The following SDSL variants were observed in gnomAD, a reference collection of about 807,000 sequenced individuals.
SDSL encodes the protein serine dehydratase-like.
A neutral mutation model predicts 27.6 loss-of-function variants in SDSL; 26 were observed. The observed-to-expected ratio is 0.94, with a 90% CI of 0.69 to 1.31. SDSL has a LOEUF of 1.31. Ranked by LOEUF, SDSL falls within the 50% of genes most tolerant of loss-of-function variation. SDSL has a pLI of 0.00. For synonymous variants in SDSL, 196 were observed against 180.6 expected (o/e 1.09, Z -0.69); for missense variants, 431 against 423.5 (o/e 1.02, Z -0.16).
At chr12:113,428,179 G>C (rs371591042) in intron 2 of SDSL, 23 bp downstream of exon 2, 83 of 1,588,380 alleles carry the variant, frequency 5.2e-5, no homozygotes, top group Non-Finnish European at 6.3e-5. Flanking sequence ...GGGAAGGAGG[G>C]GAGAAGTGAG....
chr12:113,436,581 G>T (rs554751046), intron 6 of SDSL, among the ~76,000 whole-genome samples, 170 bp from the exon 7 acceptor site: 31 of 152,258 alleles, frequency 2.0e-4, no homozygotes, highest in African/African-American at 5.3e-4. Context: ...GAGCCACTGC[G>T]CCCGGCAAGG....
rs113073504 is a variant in SDSL, at chr12:113,428,234, G to A, written c.174+78G>A. ...AGAGTGAGGGGTGTGGGCTGGGGAC[G>A]GGTTCGGGCAGGAGGGGAAACATGA... On this transcript the variant is annotated intron_variant, in intron 2 of 7. Coordinates refer to ENST00000403593, the MANE Select transcript of SDSL (RefSeq NM_001304993.2). 5,080 of 1,446,930 alleles carry A rather than the reference G, an allele frequency of 3.5e-3. 137 individuals are homozygous for A. In the African/African-American group the frequency reaches 0.062, roughly 18 times the overall value. The allele number at this position is 1,446,930 out of a possible 1,614,324, so 89.6% of individuals were successfully genotyped here.
intron 6 of SDSL, 24 bp from the exon 7 acceptor site, chr12:113,436,727 G>A: frequency 6.4e-7 from 1 of 1,567,380 alleles, no homozygotes; most frequent in Non-Finnish European, 8.6e-7. Flanking sequence ...TGGTCTCCCT[G>A]CCCCACCCTG....
At chr12:113,437,350 GGTA>G (rs1294674087) in intron 7 of SDSL, among the ~76,000 whole-genome samples, 1 of 152,222 alleles carries the variant, frequency 6.6e-6, no homozygotes, top group Non-Finnish European at 1.5e-5. Flanking sequence ...GGGCATGGCA[GGTA>G]GTAGGCACTC....
chr12:113,425,899 G>A (rs1040631158), intron 1 of SDSL: 1 of 375,548 alleles, frequency 2.7e-6, no homozygotes, highest in African/African-American at 2.1e-5. Context: ...TGAGGCAGGA[G>A]AATCGCTTGA....
At chr12:113,432,509 T>A (rs1957947823) in intron 4 of SDSL, among the ~76,000 whole-genome samples, 1 of 151,412 alleles carries the variant, frequency 6.6e-6, no homozygotes, top group African/African-American at 2.4e-5. Context: ...ACCCGGCTAT[T>A]TTTTTGTATT....
rs533725585 is a variant in SDSL at position 113,428,441 on chromosome 12, C to T, written c.196C>T (p.His66Tyr). ...CCAGATGGCCAAGAAGGGATGCAGA[C>T]ACCTGGTGTGCTCCTCAGGTGACCC... ...CQEMAKKGCR[H>Y]LVCSSGGNAG... The change falls in exon 3 of 8, where the codon CAC becomes TAC. Residue 66 changes from histidine to tyrosine, a missense_variant. Physicochemically the swap from His to Tyr is moderately conservative, Grantham distance 83. Transcript: ENST00000403593. 23 of 1,612,512 alleles carry T rather than the reference C, an allele frequency of 1.4e-5. No homozygotes were observed. The South Asian group carries it at 2.4e-4, about 17-fold the overall frequency.
At chr12:113,426,183 G>T in intron 1 of SDSL, 3 of 454,972 alleles carry the variant, frequency 6.6e-6, no homozygotes, top group South Asian at 4.7e-5. Context: ...CTGCATCCGC[G>T]GCACCCCAAA....
At chr12:113,437,465 A>T (rs751602848) in intron 7 of SDSL, among the ~76,000 whole-genome samples, 61 of 152,308 alleles carry the variant, frequency 4.0e-4, no homozygotes, top group Middle Eastern at 3.4e-3. Context: ...TGGATAATGA[A>T]GTGACGGATT....
chr12:113,428,117 C>T lies in SDSL; in HGVS notation c.135C>T (p.Gly45=), dbSNP rs1957872777. 6.2e-7 allele frequency: 1 copy of T among 1,613,344 alleles called. No homozygotes were observed. Residue 45 remains glycine, a synonymous_variant, in exon 2 of 8, where the codon GGC becomes GGT. Coordinates refer to ENST00000403593, the MANE Select transcript of SDSL (RefSeq NM_001304993.2). ...FLKCENVQPS[G]SFKIRGIGHF... ...AGTGTGAGAATGTGCAGCCCAGCGG[C>T]TCCTTCAAGATTCGGGGCATTGGGC...
chr12:113,432,662 C>T (rs1957949951), intron 4 of SDSL, among the ~76,000 whole-genome samples: 1 of 151,878 alleles, frequency 6.6e-6, no homozygotes, highest in Non-Finnish European at 1.5e-5. Flanking sequence ...TCAACCTCTG[C>T]CACTCTCTCT....
chr12:113,432,754 G>T (rs1411733612), intron 4 of SDSL, among the ~76,000 whole-genome samples: 1 of 152,194 alleles, frequency 6.6e-6, no homozygotes, highest in Non-Finnish European at 1.5e-5. Flanking sequence ...ACTCCCAGTT[G>T]TAAGTGAGAA....
At chr12:113,424,100 C>T (rs747454377) in intron 1 of SDSL, among the ~76,000 whole-genome samples, 6 of 152,062 alleles carry the variant, frequency 3.9e-5, no homozygotes, top group Non-Finnish European at 7.4e-5. Context: ...CTCGCCTCAC[C>T]GCAACCTCGC....
chr12:113,425,589 C>T, intron 1 of SDSL: 1 of 450,798 alleles, frequency 2.2e-6, no homozygotes, highest in South Asian at 1.6e-5. Context: ...GAGGAGCTGG[C>T]TGTATTTTTT....
rs1026898370 is a variant in SDSL, at chr12:113,435,547, A to G, written c.662A>G (p.Asp221Gly). ...ITAGKLVTLP[D>G]ITSVAKSLGA... ...GCCGGCAAGCTGGTCACACTTCCAG[A>G]CATCACCAGGTGGGTAAGGGCTGGG... The change falls in exon 6 of 8, where the codon GAC becomes GGC. Residue 221 changes from aspartate to glycine, a missense_variant. By Grantham distance (94) the Asp-to-Gly change is moderately conservative. Coordinates refer to ENST00000403593, the MANE Select transcript of SDSL (RefSeq NM_001304993.2). 5 of 1,613,046 alleles carry G rather than the reference A, an allele frequency of 3.1e-6. No homozygotes were observed. The highest frequency in any genetic ancestry group is 4.2e-6 in the Non-Finnish European group (5 of 1,179,364).
chr12:113,431,762 C>T (rs1466408955), intron 4 of SDSL, among the ~76,000 whole-genome samples: 5 of 138,778 alleles, frequency 3.6e-5, no homozygotes, highest in South Asian at 2.3e-4. Context: ...TTTTTTGAGA[C>T]GAGTCTCGCT....
rs1309937312 is a variant in SDSL at position 113,428,031 on chromosome 12, G to A, written c.49G>A (p.Val17Ile). Residue 17 changes from valine to isoleucine, a missense_variant, in exon 2 of 8, where the codon GTC (valine) becomes ATC (isoleucine). By Grantham distance (29) the Val-to-Ile change is conservative (BLOSUM62 3). Coordinates refer to ENST00000403593, the MANE Select transcript of SDSL (RefSeq NM_001304993.2). ...TGCCAAGCAGGAGCCCTTTCACGTG[G>A]TCACACCTCTGTTGGAGAGCTGGGC... ...EHAKQEPFHV[V>I]TPLLESWALS... is the part of the protein sequence containing the mutation. The A allele has an allele frequency of 1.2e-6, 2 of 1,613,744 alleles. No homozygotes were observed. The highest frequency in any genetic ancestry group is 3.3e-5 in the Admixed American group (2 of 59,948).
chr12:113,433,010 A>G (rs1957953302), intron 4 of SDSL, among the ~76,000 whole-genome samples: 2 of 152,046 alleles, frequency 1.3e-5, no homozygotes, highest in Non-Finnish European at 1.5e-5. Flanking sequence ...AAAATGGTTT[A>G]TTTTCCTTTG....
At chr12:113,431,187 C>T (rs188305042) in intron 4 of SDSL, among the ~76,000 whole-genome samples, 4 of 152,284 alleles carry the variant, frequency 2.6e-5, no homozygotes, top group Admixed American at 6.5e-5. Context: ...CTGAGCCCAG[C>T]GTCAGGGAGG....
Sources: gnomAD v4.1 joint callset for allele counts (sites outside exome capture counted in the v4.1 genomes callset) on GRCh38, gnomAD v4.1.1 for gene constraint, MANE v1.5 for transcripts, NCBI Gene and HGNC (gene_info 2026-07-23, HGNC 2026-07-21) for gene names.